LRRC42: variants seen among roughly 807,000 people sequenced by gnomAD.
The protein encoded by LRRC42 is leucine-rich repeat-containing protein 42.
LRRC42 carries 43 observed loss-of-function variants against 44.3 expected under a neutral mutation model. The ratio of observed to expected loss-of-function variants is 0.97; its 90% CI spans 0.76 to 1.25. The LOEUF is 1.25. Ranked by LOEUF, LRRC42 falls within the 50% of genes most tolerant of loss-of-function variation. LRRC42 has a pLI of 0.00. For missense variants in LRRC42, 540 were observed against 509.1 expected (o/e 1.06, Z -0.58); for synonymous variants, 207 against 195.2 (o/e 1.06, Z -0.50).
At chr1:53,953,099 A>G (rs886801091) in intron 3 of LRRC42, among the ~76,000 whole-genome samples, 3 of 152,262 alleles carry the variant, frequency 2.0e-5, no homozygotes, top group African/African-American at 4.8e-5. Context: ...AAAACTATAC[A>G]TGGCAAACAA....
At chr1:53,954,370 C>A (rs1654773148) in intron 3 of LRRC42, among the ~76,000 whole-genome samples, 1 of 152,142 alleles carries the variant, frequency 6.6e-6, no homozygotes, top group Non-Finnish European at 1.5e-5. Flanking sequence ...ATTACCTTGC[C>A]TAAATGAAAA....
chr1:53,951,640 G>A (rs1183161412), intron 2 of LRRC42, among the ~76,000 whole-genome samples: 1 of 152,196 alleles, frequency 6.6e-6, no homozygotes, highest in Non-Finnish European at 1.5e-5. Context: ...GGCCAGGCTG[G>A]TCTCGAACTC....
Position 53,962,412 on chromosome 1 carries a change from A to G in LRRC42, c.927+3A>G, listed in dbSNP as rs1159059322. On this transcript the variant is annotated splice_donor_region_variant and intron_variant, in intron 7 of 8. Coordinates refer to ENST00000371370, the MANE Select transcript of LRRC42 (RefSeq NM_001256409.2). ...AGACAGAGGGCTGGGCTGACCAGGT[A>G]CTCCAGATTTTTCTTCCTTGCGGTT... is the stretch of plus-strand genomic sequence containing the variant. 5 of 1,589,038 alleles carry G rather than the reference A, an allele frequency of 3.1e-6. No homozygotes were observed. The highest frequency in any genetic ancestry group is 2.7e-5 in the African/African-American group (2 of 74,332).
At chr1:53,955,683 C>G (rs551580412) in intron 3 of LRRC42, among the ~76,000 whole-genome samples, 2 of 147,824 alleles carry the variant, frequency 1.4e-5, no homozygotes, top group Non-Finnish European at 3.0e-5. Flanking sequence ...GGCTGGAGTG[C>G]AGTGGCTCGA....
At position 53,958,209 on chromosome 1, in the gene LRRC42, G is replaced by A. The variant is rs1052107595; in HGVS notation, c.534G>A (p.Leu178=). ...AGTCTTTCCGGGAGCTGACCTGCCT[G>A]GATCTTTCCTGTTGCAAGCTTGGAG... ...EIKSFRELTC[L]DLSCCKLGDE... Residue 178 remains leucine, a synonymous_variant, in exon 4 of 9, where the codon CTG becomes CTA. Coordinates refer to ENST00000371370, the MANE Select transcript of LRRC42 (RefSeq NM_001256409.2). 6.2e-7 allele frequency: 1 copy of A among 1,613,768 alleles called. No homozygotes were observed. Among genetic ancestry groups the A allele is most frequent in the African/African-American group, 1.3e-5 (1 of 74,908 alleles).
intron 2 of LRRC42, among the ~76,000 whole-genome samples, chr1:53,951,202 T>C (rs1316415684): frequency 6.6e-6 from 1 of 152,258 alleles, no homozygotes; most frequent in African/African-American, 2.4e-5. Context: ...TGTCTAAACA[T>C]GTTTTTTAAA....
At chr1:53,947,517 A>C (rs996513689) in intron 1 of LRRC42, among the ~76,000 whole-genome samples, 1 of 152,154 alleles carries the variant, frequency 6.6e-6, no homozygotes, top group African/African-American at 2.4e-5. Flanking sequence ...CCCATAGTTT[A>C]GTTTCTGTTT....
intron 7 of LRRC42, among the ~76,000 whole-genome samples, chr1:53,965,203 G>A (rs1042251853): frequency 2.0e-5 from 3 of 151,376 alleles, no homozygotes; most frequent in East Asian, 3.9e-4. Flanking sequence ...ATGTTGGCCA[G>A]CCTGGTCTCG....
Position 53,966,360 on chromosome 1 carries a change from G to T in LRRC42, c.992G>T (p.Arg331Ile). The change falls in exon 8 of 9, where the codon AGA becomes ATA. Residue 331 changes from arginine to isoleucine, a missense_variant. By Grantham distance (97) the Arg-to-Ile change is moderately conservative. Coordinates refer to ENST00000371370, the MANE Select transcript of LRRC42 (RefSeq NM_001256409.2). Reference sequence around the variant, plus strand: ...AAGCCACGGGAGACCTCGGAGCCTAGAGCAGCAGCTCAGCGCTTCTGTGAG... The same window carrying T: ...AAGCCACGGGAGACCTCGGAGCCTATAGCAGCAGCTCAGCGCTTCTGTGAG... ...AVKPRETSEP[R>I]AAAQRFYGKR... is the part of the protein sequence containing the mutation. 1 of 1,613,742 alleles carries T rather than the reference G, an allele frequency of 6.2e-7. No individual in the cohort carries two copies. The highest frequency in any genetic ancestry group is 8.5e-7 in the Non-Finnish European group (1 of 1,179,622).
At chr1:53,946,719 T>G (rs1569813304) in intron 1 of LRRC42, among the ~76,000 whole-genome samples, 170 bp downstream of exon 1, 1 of 95,918 alleles carries the variant, frequency 1.0e-5, no homozygotes, top group Admixed American at 1.2e-4. Flanking sequence ...GGTTTAAGGG[T>G]GGCGTAGGGG....
At chr1:53,954,846 C>G (rs931795989) in intron 3 of LRRC42, among the ~76,000 whole-genome samples, 4 of 152,146 alleles carry the variant, frequency 2.6e-5, no homozygotes, top group African/African-American at 9.7e-5. Flanking sequence ...CAATATGTAT[C>G]AAGAACCTTG....
intron 4 of LRRC42, among the ~76,000 whole-genome samples, chr1:53,959,670 G>A (rs1654941541): frequency 6.6e-6 from 1 of 152,200 alleles, no homozygotes. Flanking sequence ...AAATTTAGAG[G>A]ATTGTTTGCT....
rs202155653 is a variant in LRRC42, at chr1:53,952,309, A to G, written c.310A>G (p.Ile104Val). 174 of 1,614,078 alleles carry G rather than the reference A, an allele frequency of 1.1e-4. No homozygotes were observed. The highest frequency in any genetic ancestry group is 1.2e-4 in the Non-Finnish European group (143 of 1,180,028). The change falls in exon 3 of 9, where the codon ATT becomes GTT. Residue 104 changes from isoleucine to valine, a missense_variant. By Grantham distance (29) the Ile-to-Val change is conservative (BLOSUM62 3). Transcript: ENST00000371370. ...LGFISDNVDH[I>V]DSLIGFPEQI... Reference sequence around the variant, plus strand: ...TTTCATCTCCGACAATGTGGATCACATTGATTCCCTTATTGGCTTTCCTGA... The same window carrying G: ...TTTCATCTCCGACAATGTGGATCACGTTGATTCCCTTATTGGCTTTCCTGA...
intron 8 of LRRC42, 107 bp from the exon 9 acceptor site, chr1:53,967,558 T>C (rs1264019909): frequency 1.9e-6 from 2 of 1,067,044 alleles, no homozygotes; most frequent in Non-Finnish European, 2.8e-6. Context: ...TCAATGCAGA[T>C]ATCACCCTGT....
chr1:53,947,117 G>T (rs1654512660), intron 1 of LRRC42, among the ~76,000 whole-genome samples: 2 of 151,754 alleles, frequency 1.3e-5, no homozygotes, highest in East Asian at 3.9e-4. Context: ...GGGGGGTGGA[G>T]GAGTGTGGGG....
intron 2 of LRRC42, among the ~76,000 whole-genome samples, chr1:53,950,500 C>A (rs1288240349): frequency 6.6e-6 from 1 of 152,204 alleles, no homozygotes; most frequent in Non-Finnish European, 1.5e-5. Flanking sequence ...TGATCACGGA[C>A]CTAATTGTGT....
chr1:53,954,706 G>A (rs1032784754), intron 3 of LRRC42, among the ~76,000 whole-genome samples: 8 of 152,104 alleles, frequency 5.3e-5, no homozygotes, highest in African/African-American at 1.9e-4. Flanking sequence ...TGTTGAAAAC[G>A]CCGTTTATCC....
At chr1:53,946,817 G>T (rs1049352966) in intron 1 of LRRC42, among the ~76,000 whole-genome samples, 2 of 151,770 alleles carry the variant, frequency 1.3e-5, no homozygotes, top group Admixed American at 6.6e-5. Flanking sequence ...TGGACTCGGG[G>T]AGAGGCATGC....
chr1:53,953,795 G>T (rs1439334332), intron 3 of LRRC42, among the ~76,000 whole-genome samples: 1 of 150,838 alleles, frequency 6.6e-6, no homozygotes, highest in Non-Finnish European at 1.5e-5. Context: ...GCAATGGCGC[G>T]ATCTCAGCTC....
Sources: allele counts gnomAD v4.1 joint callset (sites outside exome capture counted in the v4.1 genomes callset), GRCh38; gene constraint gnomAD v4.1.1; transcripts MANE v1.5; gene names NCBI Gene and HGNC (gene_info 2026-07-23, HGNC 2026-07-21).